PAK3: variants seen among roughly 807,000 people sequenced by gnomAD.
PAK3 encodes the protein p21 (RAC1) activated kinase 3.
In PAK3, 4 loss-of-function variants were observed where a neutral mutation model predicts 41.0. The observed-to-expected ratio is 0.10, with a 90% CI of 0.05 to 0.22. The LOEUF is 0.22. PAK3 is among the 10% of genes least tolerant of loss of function. The probability of loss-of-function intolerance (pLI) is 1.00; values close to 1 mark genes in which losing one functional copy is unlikely to be tolerated. For synonymous variants in PAK3, 146 were observed against 139.6 expected, an observed-to-expected ratio of 1.05 and a Z score of -0.32; for missense variants, 205 against 409.9, an observed-to-expected ratio of 0.50 and a Z score of 4.32.
At chrX:111,144,483 A>G (rs1312095518) in intron 6 of PAK3, among the ~76,000 whole-genome samples, 4 of 111,545 alleles carry the variant, frequency 3.6e-5, no homozygotes, top group African/African-American at 6.5e-5. Context: ...CCAAATTATA[A>G]AAAGCTTTTA....
chrX:111,048,217 C>T (rs2092519419), intron 1 of PAK3, among the ~76,000 whole-genome samples: 1 of 111,242 alleles, frequency 9.0e-6, no homozygotes, highest in African/African-American at 3.3e-5. Flanking sequence ...TCTCTCTAGC[C>T]ATTCCTTCTC....
At chrX:110,998,608 G>T (rs1186294706) in intron 1 of PAK3, among the ~76,000 whole-genome samples, 1 of 111,709 alleles carries the variant, frequency 9.0e-6, no homozygotes, top group Non-Finnish European at 1.9e-5. Flanking sequence ...AGGAATTAGG[G>T]TCAAAAGAGG....
In PAK3 at chrX:111,018,248, G is replaced by A. The variant is rs147876999; in HGVS notation, c.-28+73620G>A. On this transcript the variant is annotated intron_variant, in intron 1 of 14. Transcript: ENST00000425146. Reference sequence around the variant, plus strand: ...AGAATGCCTAGACAGACAGCAATTAGGCAAGAAAAATAAATAAAAAGAATC... The same window carrying A: ...AGAATGCCTAGACAGACAGCAATTAAGCAAGAAAAATAAATAAAAAGAATC... 7.9e-3 allele frequency among the ~76,000 whole-genome samples: 872 copies of A among 110,165 alleles called. 5 individuals carry two copies. Among genetic ancestry groups the A allele is most frequent in the Non-Finnish European group, 0.014 (744 of 52,498 alleles).
chrX:111,203,555 CT>C (rs1252371569), intron 16 of PAK3, among the ~76,000 whole-genome samples: 2 of 111,228 alleles, frequency 1.8e-5, no homozygotes, highest in African/African-American at 6.5e-5. Flanking sequence ...AAAATCAGAC[CT>C]CTTATCTACA....
At chrX:111,144,728 C>A in intron 6 of PAK3, 1 of 356,466 alleles carries the variant, frequency 2.8e-6, no homozygotes, top group South Asian at 7.6e-5. Flanking sequence ...CTAATTGGCC[C>A]ATATGACCTT....
intron 5 of PAK3, among the ~76,000 whole-genome samples, chrX:111,135,471 A>G (rs957762409): frequency 3.6e-5 from 4 of 110,844 alleles, no homozygotes; most frequent in Non-Finnish European, 5.7e-5. Context: ...ATGGAGAATC[A>G]CTAGTGTCAG....
chrX:111,093,374 A>G (rs762710257), upstream of PAK3, among the ~76,000 whole-genome samples: 1 of 112,123 alleles, frequency 8.9e-6, no homozygotes, highest in Non-Finnish European at 1.9e-5. Context: ...TAGGATACAC[A>G]TGCCAAGTGG....
intron 16 of PAK3, among the ~76,000 whole-genome samples, chrX:111,205,737 G>A (rs929219309): frequency 2.7e-5 from 3 of 111,007 alleles, no homozygotes; most frequent in Non-Finnish European, 5.7e-5. Flanking sequence ...TATTATGTAC[G>A]GGCCTGTTCA....
At chrX:111,149,447 G>A (rs1170727896) in intron 7 of PAK3, among the ~76,000 whole-genome samples, 1 of 112,277 alleles carries the variant, frequency 8.9e-6, no homozygotes, top group African/African-American at 3.2e-5. Flanking sequence ...CTTCTGCACT[G>A]CCCTAGCAGA....
At chrX:110,968,769 A>G (rs1468878349) in intron 1 of PAK3, among the ~76,000 whole-genome samples, 1 of 110,985 alleles carries the variant, frequency 9.0e-6, no homozygotes, top group African/African-American at 3.3e-5. Context: ...ATATTTTTTC[A>G]GTCTTCAGCT....
intron 1 of PAK3, among the ~76,000 whole-genome samples, chrX:110,991,870 G>A (rs1027634694): frequency 4.6e-5 from 5 of 109,786 alleles, no homozygotes; most frequent in Admixed American, 2.9e-4. Context: ...CAGAAGCTGA[G>A]ATATGACAAG....
intron 11 of PAK3, among the ~76,000 whole-genome samples, chrX:111,173,784 C>A (rs7885400): frequency 0.15 from 16,486 of 111,190 alleles, 2,471 homozygotes; most frequent in African/African-American, 0.47. Flanking sequence ...GCAGGAGTCA[C>A]CAGTTCTGCA....
intron 1 of PAK3, among the ~76,000 whole-genome samples, chrX:110,968,926 T>C: frequency 9.1e-6 from 1 of 109,454 alleles, no homozygotes; most frequent in Non-Finnish European, 1.9e-5. Flanking sequence ...CTAAGATTTT[T>C]CCCTTATGTT....
intron 1 of PAK3, among the ~76,000 whole-genome samples, chrX:110,954,687 TTG>T (rs1184025776): frequency 5.4e-5 from 6 of 111,703 alleles, no homozygotes; most frequent in South Asian, 3.8e-4. Context: ...GCCAGAATTA[TTG>T]TGTGTCATTG....
chrX:110,957,268 A>C (rs1469269377), intron 1 of PAK3, among the ~76,000 whole-genome samples: 1 of 112,476 alleles, frequency 8.9e-6, no homozygotes, highest in East Asian at 2.8e-4. Flanking sequence ...CCTATGAGGC[A>C]GGCACTATTA....
At chrX:111,155,053 GA>G (rs1176834125) in intron 8 of PAK3, among the ~76,000 whole-genome samples, 11 of 107,434 alleles carry the variant, frequency 1.0e-4, no homozygotes, top group Middle Eastern at 9.4e-3. Context: ...CATTAAGTTA[GA>G]AAAAAAAATG....
intron 11 of PAK3, among the ~76,000 whole-genome samples, chrX:111,180,749 T>G (rs1603357817): frequency 8.9e-6 from 1 of 112,022 alleles, no homozygotes; most frequent in Middle Eastern, 4.7e-3. Flanking sequence ...TCATACTTTT[T>G]AAACAGATGC....
chrX:111,017,038 G>T (rs1406894549), intron 1 of PAK3, among the ~76,000 whole-genome samples: 1 of 111,163 alleles, frequency 9.0e-6, no homozygotes, highest in African/African-American at 3.3e-5. Context: ...GAATGAAAAT[G>T]AAAATACAAC....
At chrX:111,034,607 TC>T (rs1321560294) in intron 1 of PAK3, among the ~76,000 whole-genome samples, 1 of 111,586 alleles carries the variant, frequency 9.0e-6, no homozygotes, top group Admixed American at 9.5e-5. Context: ...TCTGGTCTTT[TC>T]CCCATGACAA....
Sources: gnomAD v4.1 joint callset for allele counts (sites outside exome capture counted in the v4.1 genomes callset) on GRCh38, gnomAD v4.1.1 for gene constraint, MANE v1.5 for transcripts, NCBI Gene and HGNC (gene_info 2026-07-23, HGNC 2026-07-21) for gene names.